Variants in ARHGAP15 observed in about 807,000 individuals in gnomAD.
ARHGAP15 encodes the protein rho GTPase-activating protein 15.
In ARHGAP15, 51 loss-of-function variants were observed where a neutral mutation model predicts 63.7. The ratio of observed to expected loss-of-function variants is 0.80; its 90% CI spans 0.64 to 1.01. ARHGAP15 has a LOEUF of 1.01. Among genes scored for constraint, ARHGAP15 ranks in the 50% least tolerant of loss-of-function variants. The pLI, the probability that ARHGAP15 is intolerant of heterozygous loss-of-function variation, is 0.00. For missense variants in ARHGAP15, 560 were observed against 564.6 expected, an observed-to-expected ratio of 0.99 and a Z score of 0.08; for synonymous variants, 191 against 193.8, an observed-to-expected ratio of 0.99 and a Z score of 0.12.
chr2:143,209,356 T>A (rs914291015), intron 3 of ARHGAP15, among the ~76,000 whole-genome samples: 5 of 152,284 alleles, frequency 3.3e-5, no homozygotes, highest in African/African-American at 1.2e-4. Context: ...TTATTTCATG[T>A]GCCCTTCCTT....
At chr2:143,629,909 T>C (rs1698996534) in intron 12 of ARHGAP15, among the ~76,000 whole-genome samples, 2 of 152,180 alleles carry the variant, frequency 1.3e-5, no homozygotes, top group Non-Finnish European at 2.9e-5. Flanking sequence ...TTTAGAGAAG[T>C]TATAAATGCA....
intron 6 of ARHGAP15, among the ~76,000 whole-genome samples, chr2:143,251,465 A>G (rs1044949709): frequency 1.3e-5 from 2 of 151,990 alleles, no homozygotes; most frequent in African/African-American, 4.8e-5. Context: ...ATTGGGTCCT[A>G]TGGAAGCATA....
At chr2:143,731,557 C>T (rs1685538526) in intron 13 of ARHGAP15, among the ~76,000 whole-genome samples, 1 of 152,184 alleles carries the variant, frequency 6.6e-6, no homozygotes, top group Non-Finnish European at 1.5e-5. Flanking sequence ...CAGATTCTAC[C>T]ACTTCTTCAG....
intron 6 of ARHGAP15, among the ~76,000 whole-genome samples, chr2:143,330,968 T>C (rs909659395): frequency 3.3e-5 from 5 of 152,194 alleles, no homozygotes; most frequent in Non-Finnish European, 5.9e-5. Flanking sequence ...TTGGTTTGAG[T>C]TGTAAGCTGA....
chr2:143,690,304 G>A (rs543823464), intron 12 of ARHGAP15, among the ~76,000 whole-genome samples: 1 of 152,298 alleles, frequency 6.6e-6, no homozygotes, highest in African/African-American at 2.4e-5. Flanking sequence ...AGCAAATTTA[G>A]TGACAAGTTT....
intron 6 of ARHGAP15, among the ~76,000 whole-genome samples, chr2:143,413,773 G>A (rs904065144): frequency 1.3e-5 from 2 of 151,970 alleles, no homozygotes; most frequent in African/African-American, 2.4e-5. Context: ...TTCAACCAGC[G>A]TACTCATAGC....
At chr2:143,288,507 CCT>C (rs1446213352) in intron 6 of ARHGAP15, among the ~76,000 whole-genome samples, 2 of 151,852 alleles carry the variant, frequency 1.3e-5, no homozygotes. Context: ...TTCTGAATAA[CCT>C]AAGGGCTATT....
intron 11 of ARHGAP15, among the ~76,000 whole-genome samples, chr2:143,568,546 C>T (rs185357063): frequency 3.9e-5 from 6 of 152,258 alleles, no homozygotes; most frequent in South Asian, 2.1e-4. Context: ...GAAATAGGAA[C>T]GTTTTTACAC....
intron 4 of ARHGAP15, among the ~76,000 whole-genome samples, chr2:143,224,681 G>A (rs1316931869): frequency 6.6e-6 from 1 of 152,276 alleles, no homozygotes; most frequent in African/African-American, 2.4e-5. Context: ...TAGTGATTTG[G>A]TTGCGTATAG....
At chr2:143,457,957 A>T (rs1325384463) in intron 8 of ARHGAP15, among the ~76,000 whole-genome samples, 1 of 152,042 alleles carries the variant, frequency 6.6e-6, no homozygotes, top group Non-Finnish European at 1.5e-5. Flanking sequence ...TAACTAAAGA[A>T]ATCTGAGGTT....
At chr2:143,415,248 A>G (rs1688625156) in intron 6 of ARHGAP15, among the ~76,000 whole-genome samples, 1 of 152,184 alleles carries the variant, frequency 6.6e-6, no homozygotes, top group Non-Finnish European at 1.5e-5. Context: ...CTGATTTTAG[A>G]GAATAGTGGA....
chr2:143,542,639 AAT>A (rs879936225), intron 10 of ARHGAP15, among the ~76,000 whole-genome samples: 20 of 143,976 alleles, frequency 1.4e-4, no homozygotes, highest in Admixed American at 2.9e-4. Flanking sequence ...TATGATTTAA[AAT>A]ATATATATGA....
intron 12 of ARHGAP15, among the ~76,000 whole-genome samples, chr2:143,682,302 A>AT (rs34391519): frequency 1.3e-5 from 2 of 150,648 alleles, no homozygotes; most frequent in African/African-American, 2.4e-5. Context: ...AAATAAGGAG[A>AT]TTTTTTTTTT....
rs150659041 is a variant in ARHGAP15, at chr2:143,198,063, A to C, written c.166-4071A>C. On this transcript the variant is annotated intron_variant, in intron 2 of 13. Coordinates refer to ENST00000295095, the MANE Select transcript of ARHGAP15 (RefSeq NM_018460.4). ...CTTATTCCTAGATCTAGGTTAAAAT[A>C]CTACCTATGCCTTTCATTAGCTATG... Among the ~76,000 whole-genome samples, 64 of 152,116 alleles carry C rather than the reference A, an allele frequency of 4.2e-4. No homozygotes were observed. The East Asian group carries it at 0.012, about 28-fold the overall frequency.
chr2:143,485,481 T>G (rs1410053717), intron 8 of ARHGAP15, among the ~76,000 whole-genome samples: 2 of 152,214 alleles, frequency 1.3e-5, no homozygotes, highest in African/African-American at 4.8e-5. Context: ...TTTATTTTTC[T>G]TTTCAGAGTT....
chr2:143,614,835 G>T (rs894200625), intron 11 of ARHGAP15, among the ~76,000 whole-genome samples: 2 of 152,164 alleles, frequency 1.3e-5, no homozygotes, highest in Admixed American at 6.5e-5. Context: ...CCAATGTAGG[G>T]AAGAGTCAAG....
At chr2:143,469,542 C>T (rs1333597576) in intron 8 of ARHGAP15, among the ~76,000 whole-genome samples, 3 of 152,114 alleles carry the variant, frequency 2.0e-5, no homozygotes, top group South Asian at 2.1e-4. Flanking sequence ...TACGCAAGTT[C>T]GGACATGACA....
At chr2:143,738,099 T>C (rs562370736) in intron 13 of ARHGAP15, among the ~76,000 whole-genome samples, 1 of 152,232 alleles carries the variant, frequency 6.6e-6, no homozygotes, top group African/African-American at 2.4e-5. Context: ...GCAGCATATA[T>C]ATATTTTTTA....
At chr2:143,141,428 C>G (rs929343514) in intron 1 of ARHGAP15, among the ~76,000 whole-genome samples, 3 of 152,112 alleles carry the variant, frequency 2.0e-5, no homozygotes, top group African/African-American at 4.8e-5. Context: ...CAGTGTCTGA[C>G]TTTAAGGAGC....
Sources: allele counts gnomAD v4.1 joint callset (sites outside exome capture counted in the v4.1 genomes callset), GRCh38; gene constraint gnomAD v4.1.1; transcripts MANE v1.5; gene names NCBI Gene and HGNC (gene_info 2026-07-23, HGNC 2026-07-21).